CCSER1: variants seen among roughly 807,000 people sequenced by gnomAD.
CCSER1 encodes coiled-coil serine rich protein 1.
In CCSER1, 41 loss-of-function variants were observed where a neutral mutation model predicts 82.0. The observed-to-expected ratio is 0.50, with a 90% CI of 0.39 to 0.65. The LOEUF (loss-of-function observed/expected upper bound fraction) is 0.65. CCSER1 is among the 30% of genes least tolerant of loss of function. CCSER1 has a pLI of 0.00. For missense variants in CCSER1, 1,119 were observed against 1,064.2 expected (o/e 1.05, Z -0.72); for synonymous variants, 414 against 383.9 (o/e 1.08, Z -0.92).
At chr4:91,409,249 C>T (rs982528695) in intron 10 of CCSER1, among the ~76,000 whole-genome samples, 1 of 152,128 alleles carries the variant, frequency 6.6e-6, no homozygotes, top group African/African-American at 2.4e-5. Context: ...TTGATGCAGA[C>T]ATTTATTTGA....
At chr4:90,290,309 AC>A (rs532447796) in intron 1 of CCSER1, among the ~76,000 whole-genome samples, 75 of 152,026 alleles carry the variant, frequency 4.9e-4, no homozygotes, top group Non-Finnish European at 9.7e-4. Flanking sequence ...TTTTTATATT[AC>A]CGAACATTTA....
chr4:90,773,984 A>G (rs1752575119), intron 7 of CCSER1, among the ~76,000 whole-genome samples: 1 of 152,142 alleles, frequency 6.6e-6, no homozygotes, highest in Non-Finnish European at 1.5e-5. Context: ...CTGGCTAAAC[A>G]CTACATAAGA....
At chr4:91,122,820 G>A (rs1727203491) in intron 10 of CCSER1, among the ~76,000 whole-genome samples, 1 of 151,664 alleles carries the variant, frequency 6.6e-6, no homozygotes, top group African/African-American at 2.4e-5. Context: ...TCTCCTGAAG[G>A]CATACAACCA....
intron 5 of CCSER1, among the ~76,000 whole-genome samples, chr4:90,627,571 AT>A (rs568480656): frequency 3.2e-4 from 49 of 152,176 alleles, no homozygotes; most frequent in South Asian, 1.0e-3. Context: ...AATGGAAACA[AT>A]TTTTTTAATG....
chr4:90,635,061 A>G (rs973808912), intron 6 of CCSER1, among the ~76,000 whole-genome samples: 3 of 151,780 alleles, frequency 2.0e-5, no homozygotes, highest in African/African-American at 7.2e-5. Flanking sequence ...TCACCAATAC[A>G]CAATGCAAAA....
intron 10 of CCSER1, among the ~76,000 whole-genome samples, chr4:91,395,024 C>T (rs913112090): frequency 1.4e-4 from 22 of 151,910 alleles, no homozygotes; most frequent in Non-Finnish European, 1.5e-4. Flanking sequence ...ATATATCTTT[C>T]GTAATATTCT....
chr4:91,304,679 G>A (rs750357705), intron 10 of CCSER1, among the ~76,000 whole-genome samples: 1 of 151,972 alleles, frequency 6.6e-6, no homozygotes, highest in Non-Finnish European at 1.5e-5. Context: ...TTAATTAGTA[G>A]CATATATTGT....
intron 5 of CCSER1, among the ~76,000 whole-genome samples, chr4:90,598,006 G>GTA (rs764537888): frequency 4.0e-5 from 6 of 151,508 alleles, no homozygotes; most frequent in Non-Finnish European, 8.8e-5. Flanking sequence ...ATATTTTGTT[G>GTA]TATATATATC....
At chr4:90,310,482 A>G (rs1735104342) in intron 2 of CCSER1, among the ~76,000 whole-genome samples, 4 of 152,226 alleles carry the variant, frequency 2.6e-5, no homozygotes, top group Non-Finnish European at 1.5e-5. Context: ...TGTATACTTT[A>G]TATACATTAA....
chr4:91,495,285 T>C (rs1014852511), intron 10 of CCSER1, among the ~76,000 whole-genome samples: 1 of 151,598 alleles, frequency 6.6e-6, no homozygotes, highest in Non-Finnish European at 1.5e-5. Context: ...GTTTTCTGTA[T>C]ATTGTTGAGG....
At chr4:91,093,475 T>TA (rs1385644242) in intron 10 of CCSER1, among the ~76,000 whole-genome samples, 2 of 152,244 alleles carry the variant, frequency 1.3e-5, no homozygotes, top group East Asian at 3.8e-4. Flanking sequence ...GCCCATGGTG[T>TA]CCTTTGGTAT....
intron 5 of CCSER1, among the ~76,000 whole-genome samples, chr4:90,519,277 A>G (rs1394210269): frequency 6.6e-6 from 1 of 151,918 alleles, no homozygotes; most frequent in East Asian, 1.9e-4. Flanking sequence ...TGAAGCTTAC[A>G]GTAATGAAGA....
chr4:90,827,896 C>T (rs947558796), intron 8 of CCSER1, among the ~76,000 whole-genome samples: 5 of 151,848 alleles, frequency 3.3e-5, no homozygotes, highest in Non-Finnish European at 7.4e-5. Context: ...ATTTATCATT[C>T]TTATATACCC....
intron 3 of CCSER1, among the ~76,000 whole-genome samples, chr4:90,383,287 T>C (rs1749499974): frequency 6.6e-6 from 1 of 152,052 alleles, no homozygotes; most frequent in African/African-American, 2.4e-5. Context: ...TAAAGTATCA[T>C]TTGAATACAA....
intron 9 of CCSER1, among the ~76,000 whole-genome samples, chr4:91,022,782 G>A (rs548424161): frequency 1.2e-4 from 19 of 152,196 alleles, no homozygotes; most frequent in Non-Finnish European, 1.9e-4. Flanking sequence ...ATTTTTTCAC[G>A]TGTCTTTTGG....
intron 1 of CCSER1, among the ~76,000 whole-genome samples, chr4:90,147,087 A>G: frequency 6.6e-6 from 1 of 151,596 alleles, no homozygotes; most frequent in African/African-American, 2.4e-5. Flanking sequence ...TTACTATTGT[A>G]TTTATTTATT....
intron 1 of CCSER1, among the ~76,000 whole-genome samples, chr4:90,243,660 T>A (rs983837497): frequency 9.9e-5 from 15 of 152,072 alleles, no homozygotes; most frequent in African/African-American, 3.6e-4. Flanking sequence ...AGCGCTGGGG[T>A]TACAGACATG....
intron 6 of CCSER1, among the ~76,000 whole-genome samples, chr4:90,702,851 ATTCT>A (rs1191824390): frequency 6.6e-6 from 1 of 151,310 alleles, no homozygotes; most frequent in East Asian, 1.9e-4. Flanking sequence ...CGTCTATTTG[ATTCT>A]TCTCTCTTTT....
intron 9 of CCSER1, among the ~76,000 whole-genome samples, chr4:90,979,597 G>A (rs546391170): frequency 4.3e-4 from 66 of 151,788 alleles, no homozygotes; most frequent in Non-Finnish European, 7.4e-4. Context: ...GGGCACTTGA[G>A]AGAATTACAC....
Sources: allele counts gnomAD v4.1 joint callset (sites outside exome capture counted in the v4.1 genomes callset), GRCh38; gene constraint gnomAD v4.1.1; transcripts MANE v1.5; gene names NCBI Gene and HGNC (gene_info 2026-07-23, HGNC 2026-07-21).